Variants in CUL3 observed in about 807,000 individuals in gnomAD.
CUL3 encodes the protein cullin 3, also known as cullin-3.
CUL3 carries 19 observed loss-of-function variants against 89.1 expected under a neutral mutation model. The ratio of observed to expected loss-of-function variants is 0.21; its 90% CI spans 0.15 to 0.31. CUL3 has a LOEUF of 0.31. Ranked by LOEUF, CUL3 falls within the 10% of genes least tolerant of loss-of-function variation. CUL3 has a pLI of 1.00. For missense variants in CUL3, 469 were observed against 942.3 expected (o/e 0.50, Z 6.58); for synonymous variants, 351 against 308.4 (o/e 1.14, Z -1.45).
Position 224,471,543 on chromosome 2 carries a change from G to T in CUL3, c.*2702C>A, listed in dbSNP as rs1034190826. 1 of 195,556 alleles carries T rather than the reference G, an allele frequency of 5.1e-6. No homozygotes were observed. The allele number at this position is 195,556 out of a possible 1,614,324, so 12.1% of individuals were successfully genotyped here. A position where few individuals can be genotyped will look rare whatever the true frequency, so the allele number is the denominator to read the frequency against. On this transcript the variant is annotated 3_prime_UTR_variant, in exon 16 of 16. Transcript: ENST00000264414. ...TATGAGAAGGATTCTTACAGAGAAG[G>T]CCTATCATCAGCATCTTGGGGGTTT...
In CUL3 at chr2:224,557,760, C is replaced by A. The variant is rs758208528; in HGVS notation, c.163G>T (p.Glu55Ter). ...QRKNNSGLSF[E>*]ELYRNAYTMV... ...GTATATGCATTTCTATAGAGCTCCT[C>A]AAAACTAAGACCACTGTTATTCTTA... The change falls in exon 2 of 16, where the codon GAG becomes TAG. Residue 55 changes from glutamate to a stop codon, truncating the protein, a stop_gained. Transcript: ENST00000264414. LOFTEE classifies it high-confidence loss of function. 6.2e-7 allele frequency: 1 copy of A among 1,610,398 alleles called. No individual in the cohort carries two copies. Among genetic ancestry groups the A allele is most frequent in the Non-Finnish European group, 8.5e-7 (1 of 1,177,672 alleles).
At chr2:224,535,824 G>A (rs1693878139) in intron 2 of CUL3, among the ~76,000 whole-genome samples, 183 bp from the exon 3 acceptor site, 1 of 152,206 alleles carries the variant, frequency 6.6e-6, no homozygotes, top group Non-Finnish European at 1.5e-5. Flanking sequence ...AAATGTATAT[G>A]TATAGTACAG....
intron 2 of CUL3, among the ~76,000 whole-genome samples, chr2:224,545,687 C>A (rs1007024232): frequency 1.3e-5 from 2 of 152,178 alleles, no homozygotes; most frequent in African/African-American, 4.8e-5. Flanking sequence ...GGATACAAGA[C>A]ACTTTCAGCC....
intron 15 of CUL3, among the ~76,000 whole-genome samples, chr2:224,477,869 GCAT>G (rs1691381646): frequency 6.6e-6 from 1 of 152,198 alleles, no homozygotes; most frequent in Non-Finnish European, 1.5e-5. Flanking sequence ...TAAAATGAAA[GCAT>G]TTAATGAATG....
intron 3 of CUL3, among the ~76,000 whole-genome samples, chr2:224,521,257 A>C (rs1693248355): frequency 1.3e-5 from 2 of 152,214 alleles, no homozygotes; most frequent in South Asian, 2.1e-4. Flanking sequence ...CTAATGTTTC[A>C]TTTGTAACTA....
At chr2:224,573,623 A>G (rs1260736220) in intron 1 of CUL3, among the ~76,000 whole-genome samples, 1 of 152,182 alleles carries the variant, frequency 6.6e-6, no homozygotes, top group Admixed American at 6.5e-5. Context: ...TATAAGCTTC[A>G]GCGTCCCCAG....
chr2:224,555,381 CT>C (rs1188378086), intron 2 of CUL3, among the ~76,000 whole-genome samples: 1 of 152,120 alleles, frequency 6.6e-6, no homozygotes, highest in African/African-American at 2.4e-5. Flanking sequence ...TTACCCAGAT[CT>C]TTCCAGGTCT....
chr2:224,483,835 G>A (rs1464521408), intron 13 of CUL3, among the ~76,000 whole-genome samples: 2 of 152,136 alleles, frequency 1.3e-5, no homozygotes, highest in Admixed American at 6.6e-5. Context: ...CTTTGAGCAC[G>A]AAAGCCTGTT....
chr2:224,550,676 A>T (rs1199308414), intron 2 of CUL3, among the ~76,000 whole-genome samples: 1 of 152,118 alleles, frequency 6.6e-6, no homozygotes, highest in Non-Finnish European at 1.5e-5. Context: ...TTCCCTACAA[A>T]CAATCTGCTA....
At chr2:224,531,498 T>C (rs1392343049) in intron 3 of CUL3, among the ~76,000 whole-genome samples, 2 of 151,706 alleles carry the variant, frequency 1.3e-5, no homozygotes, top group Non-Finnish European at 1.5e-5. Flanking sequence ...AAGTGCCTAG[T>C]TTGTACAAGG....
intron 2 of CUL3, among the ~76,000 whole-genome samples, 171 bp downstream of exon 2, chr2:224,557,488 G>A (rs896205978): frequency 2.7e-5 from 4 of 149,166 alleles, no homozygotes; most frequent in Admixed American, 6.8e-5. Flanking sequence ...CCAAATTTTC[G>A]ATTTAGCTGA....
intron 3 of CUL3, among the ~76,000 whole-genome samples, chr2:224,523,668 T>C (rs1424239609): frequency 6.6e-6 from 1 of 152,322 alleles, no homozygotes; most frequent in East Asian, 1.9e-4. Flanking sequence ...ACAACTCAAG[T>C]GTCCATCAAC....
intron 1 of CUL3, among the ~76,000 whole-genome samples, chr2:224,558,861 TCTCTACTAAATATACA>T (rs1694811916): frequency 1.3e-5 from 1 of 77,220 alleles, no homozygotes; most frequent in East Asian, 4.2e-4. Flanking sequence ...GCTAATACGG[TCTCTACTAAATATACA>T]AAAAATATAC....
At chr2:224,544,153 T>C (rs537258657) in intron 2 of CUL3, among the ~76,000 whole-genome samples, 1 of 152,334 alleles carries the variant, frequency 6.6e-6, no homozygotes, top group South Asian at 2.1e-4. Flanking sequence ...CTATGGTTGA[T>C]TAGATCAATG....
intron 3 of CUL3, among the ~76,000 whole-genome samples, chr2:224,524,376 T>G (rs1265371153): frequency 1.3e-5 from 2 of 152,100 alleles, no homozygotes; most frequent in African/African-American, 4.8e-5. Context: ...AATTTTTCAC[T>G]GAGATGTTTA....
intron 3 of CUL3, among the ~76,000 whole-genome samples, chr2:224,516,766 C>T (rs1431489458): frequency 1.0e-5 from 1 of 96,998 alleles, no homozygotes. Context: ...CCTGCCTCAG[C>T]CGCCCAAGTA....
chr2:224,523,027 T>C (rs1460875352), intron 3 of CUL3, among the ~76,000 whole-genome samples: 1 of 152,086 alleles, frequency 6.6e-6, no homozygotes, highest in African/African-American at 2.4e-5. Flanking sequence ...AATTTAATAA[T>C]CTAGAGGTCA....
At chr2:224,501,209 A>G (rs546495864) in intron 10 of CUL3, among the ~76,000 whole-genome samples, 1 of 152,334 alleles carries the variant, frequency 6.6e-6, no homozygotes, top group African/African-American at 2.4e-5. Context: ...ACATATTTCT[A>G]ATATTCCAGC....
At chr2:224,582,119 C>T (rs1326260783) in intron 1 of CUL3, among the ~76,000 whole-genome samples, 1 of 152,186 alleles carries the variant, frequency 6.6e-6, no homozygotes, top group African/African-American at 2.4e-5. Flanking sequence ...CATCCGCCAC[C>T]ACGCCCCGCT....
Sources: gnomAD v4.1 joint callset for allele counts (sites outside exome capture counted in the v4.1 genomes callset) on GRCh38, gnomAD v4.1.1 for gene constraint, MANE v1.5 for transcripts, NCBI Gene and HGNC (gene_info 2026-07-23, HGNC 2026-07-21) for gene names.